The following ERICH1 variants were observed in gnomAD, a reference collection of about 807,000 sequenced individuals.
ERICH1 encodes the protein glutamate rich 1.
A neutral mutation model predicts 39.6 loss-of-function variants in ERICH1; 56 were observed. That is an observed-to-expected ratio of 1.41 (90% CI 1.14 to 1.77). The LOEUF (loss-of-function observed/expected upper bound fraction) is 1.77. Among genes scored for constraint, ERICH1 ranks in the 40% most tolerant of loss-of-function variants. The pLI is 0.00. For missense variants in ERICH1, 826 were observed against 575.4 expected (o/e 1.44, Z -4.45); for synonymous variants, 313 against 223.6 (o/e 1.40, Z -3.57).
chr8:628,186 G>A (rs1335885944), intron 3 of ERICH1, among the ~76,000 whole-genome samples: 1 of 152,208 alleles, frequency 6.6e-6, no homozygotes, highest in Non-Finnish European at 1.5e-5. Flanking sequence ...TGCTGTGTGT[G>A]GAAATTACGA....
chr8:719,877 C>G (rs1054542389), intron 1 of ERICH1, among the ~76,000 whole-genome samples: 3 of 152,186 alleles, frequency 2.0e-5, no homozygotes, highest in African/African-American at 7.2e-5. Context: ...GCCACAGGGT[C>G]CACCGCAGTG....
At chr8:642,460 T>C (rs1045510080) in intron 3 of ERICH1, among the ~76,000 whole-genome samples, 3 of 147,074 alleles carry the variant, frequency 2.0e-5, no homozygotes, top group African/African-American at 7.5e-5. Flanking sequence ...TTCTCCTGCC[T>C]CAGCCTCCCA....
intron 3 of ERICH1, among the ~76,000 whole-genome samples, chr8:630,915 C>A (rs138992495): frequency 1.1e-5 from 1 of 94,326 alleles, no homozygotes; most frequent in Non-Finnish European, 2.6e-5. Flanking sequence ...CACACCCTCC[C>A]GTGACCACCC....
rs376816415 is a variant in ERICH1, at chr8:634,550, C to G, written c.977-19266G>C. ...GGCGGCCCCGTCGGGCGGGCACCTT[C>G]AACAGCAGGTTTGCTTGCGGCTCAC... On this transcript the variant is annotated intron_variant, in intron 3 of 3. Coordinates refer to the ERICH1 transcript ENST00000522706. 7.9e-5 allele frequency among the ~76,000 whole-genome samples: 12 copies of G among 152,366 alleles called. No individual in the cohort carries two copies. The South Asian group carries it at 2.5e-3, about 32-fold the overall frequency.
chr8:683,279 G>C (rs1000400024), intron 3 of ERICH1, among the ~76,000 whole-genome samples: 5 of 152,252 alleles, frequency 3.3e-5, no homozygotes, highest in East Asian at 1.9e-4. Flanking sequence ...GTTCGGTTTG[G>C]CCTTTGAGGA....
intron 3 of ERICH1, chr8:656,624 CT>C (rs1489072529): frequency 3.9e-5 from 19 of 486,458 alleles, no homozygotes; most frequent in Non-Finnish European, 4.3e-5. Context: ...GGGCTTGCCC[CT>C]GGGACCCTGT....
intron 3 of ERICH1, among the ~76,000 whole-genome samples, chr8:621,990 C>T (rs546954757): frequency 2.4e-4 from 37 of 152,224 alleles, no homozygotes; most frequent in African/African-American, 8.7e-4. Context: ...CAAGGCATGA[C>T]GATCCCTTGA....
At chr8:639,425 T>C (rs1798731775) in intron 3 of ERICH1, among the ~76,000 whole-genome samples, 1 of 152,182 alleles carries the variant, frequency 6.6e-6, no homozygotes, top group Non-Finnish European at 1.5e-5. Flanking sequence ...GAGGAGATGA[T>C]TTGAAAAGCA....
intron 3 of ERICH1, among the ~76,000 whole-genome samples, chr8:634,989 C>A (rs1202789994): frequency 6.6e-6 from 1 of 152,090 alleles, no homozygotes; most frequent in African/African-American, 2.4e-5. Context: ...CGGTGGCCGT[C>A]GGAGTTCCCT....
intron 3 of ERICH1, among the ~76,000 whole-genome samples, chr8:657,921 G>T (rs1277318730): frequency 1.3e-5 from 2 of 152,196 alleles, no homozygotes; most frequent in Non-Finnish European, 2.9e-5. Flanking sequence ...AAGAATGGCA[G>T]AGGTGGTTTG....
At chr8:725,237 C>A (rs1244170499) in intron 1 of ERICH1, 2 of 178,568 alleles carry the variant, frequency 1.1e-5, no homozygotes, top group Non-Finnish European at 2.4e-5. Flanking sequence ...GGCTTCCTGT[C>A]TGCTCTGTTC....
intron 3 of ERICH1, among the ~76,000 whole-genome samples, chr8:618,809 T>C (rs12548524): frequency 0.78 from 118,896 of 152,104 alleles, 47,347 homozygotes; most frequent in East Asian, 0.99. Context: ...GAGCGCCACT[T>C]GAGACAAGGT....
At chr8:629,995 T>A (rs1324210895) in intron 3 of ERICH1, among the ~76,000 whole-genome samples, 6 of 92,008 alleles carry the variant, frequency 6.5e-5, no homozygotes, top group Middle Eastern at 0.011. Context: ...CACACCCTCC[T>A]GTGAGCACCC....
At chr8:674,944 G>T (rs887915391) in intron 3 of ERICH1, among the ~76,000 whole-genome samples, 9 of 152,148 alleles carry the variant, frequency 5.9e-5, no homozygotes, top group Non-Finnish European at 1.2e-4. Flanking sequence ...TATTTCCCCC[G>T]TGGCCGATTT....
chr8:676,514 G>GCGCGGCGGCCCCTCGTGAGGACAGAGA (rs1804838507), intron 3 of ERICH1, among the ~76,000 whole-genome samples: 1 of 110,836 alleles, frequency 9.0e-6, no homozygotes, highest in Admixed American at 8.9e-5. Context: ...GAGGACAGAG[G>GCGCGGCGGCCCCTCGTGAGGACAGAGA]CGCGGCGGCC....
chr8:638,607 T>A (rs998047693), intron 3 of ERICH1, among the ~76,000 whole-genome samples: 1 of 152,156 alleles, frequency 6.6e-6, no homozygotes, highest in Admixed American at 6.5e-5. Flanking sequence ...GAAACTGTCT[T>A]GCGATGGAAA....
intron 5 of ERICH1, among the ~76,000 whole-genome samples, chr8:665,586 C>A (rs546375118): frequency 4.6e-5 from 7 of 152,344 alleles, no homozygotes; most frequent in African/African-American, 1.7e-4. Flanking sequence ...AAATCTAATT[C>A]CCATACAGAG....
chr8:730,754 G>A (rs1385451818), intron 1 of ERICH1, among the ~76,000 whole-genome samples: 1 of 152,208 alleles, frequency 6.6e-6, no homozygotes, highest in African/African-American at 2.4e-5. Context: ...TGAGGCTGCC[G>A]GAGCCGGCTG....
rs1809137788 is a variant in ERICH1, at chr8:692,522, C to T, written c.260G>A (p.Ser87Asn). 2 of 1,614,090 alleles carry T rather than the reference C, an allele frequency of 1.2e-6. No homozygotes were observed. The highest frequency in any genetic ancestry group is 4.5e-5 in the East Asian group (2 of 44,868). ...GGAGGCGTTCTCGGGGCTCCCACAG[C>T]TGCTGGGCTCCGGCCAACAGGGGAC... ...GYVPCWPEPSSCGSPENASSG... is the reference protein window; with the variant it reads ...GYVPCWPEPSNCGSPENASSG... Residue 87 changes from serine to asparagine, a missense_variant, in exon 3 of 6, where the codon AGC becomes AAC. By Grantham distance (46) the Ser-to-Asn change is conservative (BLOSUM62 1). Coordinates refer to ENST00000262109, the MANE Select transcript of ERICH1 (RefSeq NM_207332.3).
Sources: gnomAD v4.1 joint callset for allele counts (sites outside exome capture counted in the v4.1 genomes callset) on GRCh38, gnomAD v4.1.1 for gene constraint, MANE v1.5 for transcripts, NCBI Gene and HGNC (gene_info 2026-07-23, HGNC 2026-07-21) for gene names.